Variants in LGSN observed in about 807,000 individuals in gnomAD.
LGSN encodes lengsin.
In LGSN, 21 loss-of-function variants were observed where a neutral mutation model predicts 19.5. That is an observed-to-expected ratio of 1.07 (90% CI 0.76 to 1.55). LGSN has a LOEUF of 1.55. LGSN is among the 40% of genes most tolerant of loss of function. The pLI, the probability that LGSN is intolerant of heterozygous loss-of-function variation, is 0.00. For synonymous variants in LGSN, 257 were observed against 215.6 expected (o/e 1.19, Z -1.68); for missense variants, 673 against 608.5 (o/e 1.11, Z -1.12).
chr6:63,463,039 T>C, the LGSN span, among the ~76,000 whole-genome samples: 7 of 152,220 alleles, frequency 4.6e-5, no homozygotes, highest in African/African-American at 1.7e-4. Flanking sequence ...TCTCTTCTGA[T>C]AGGAGAGACA....
In LGSN at chr6:63,285,772, G is replaced by A. The variant is rs1390964834; in HGVS notation, c.164-19C>T. On this transcript the variant is annotated intron_variant, in intron 2 of 3. Coordinates refer to ENST00000370657, the MANE Select transcript of LGSN (RefSeq NM_016571.3). ...ATGCAATCTGCAAAATAAAAAAATA[G>A]GTTCTAACTCACGAGATCATGATGG... 6.2e-7 allele frequency: 1 copy of A among 1,610,168 alleles called. No homozygotes were observed. The highest frequency in any genetic ancestry group is 8.5e-7 in the Non-Finnish European group (1 of 1,176,940).
At chr6:63,382,256 A>C in the LGSN span, among the ~76,000 whole-genome samples, 1 of 152,254 alleles carries the variant, frequency 6.6e-6, no homozygotes, top group Non-Finnish European at 1.5e-5. Flanking sequence ...AATACTTACT[A>C]GTAATAATAT....
At chr6:63,434,934 T>A in the LGSN span, among the ~76,000 whole-genome samples, 842 of 152,342 alleles carry the variant, frequency 5.5e-3, 5 homozygotes, top group South Asian at 0.024. Context: ...TTTTCCCTGT[T>A]CTCTCTTCTT....
At chr6:63,541,092 G>A in the LGSN span, among the ~76,000 whole-genome samples, 1 of 152,136 alleles carries the variant, frequency 6.6e-6, no homozygotes, top group Non-Finnish European at 1.5e-5. Context: ...AGAATGAATA[G>A]TGTGCCCTAA....
At chr6:63,328,935 A>G in the LGSN span, among the ~76,000 whole-genome samples, 449 of 152,336 alleles carry the variant, frequency 2.9e-3, 3 homozygotes, top group African/African-American at 0.01. Context: ...GTCTTAGGGC[A>G]AGGATAAGCC....
the LGSN span, among the ~76,000 whole-genome samples, chr6:63,422,612 G>A: frequency 0.062 from 9,410 of 152,064 alleles, 470 homozygotes; most frequent in African/African-American, 0.14. Flanking sequence ...ACTGAGATAA[G>A]TTATGTATAT....
the LGSN span, among the ~76,000 whole-genome samples, chr6:63,370,024 G>A: frequency 2.8e-4 from 42 of 151,872 alleles, no homozygotes; most frequent in Non-Finnish European, 2.9e-4. Flanking sequence ...AGAAGAAGAA[G>A]GAGAAGGAGA....
the LGSN span, among the ~76,000 whole-genome samples, chr6:63,519,987 G>A: frequency 2.0e-5 from 3 of 152,296 alleles, no homozygotes; most frequent in East Asian, 3.9e-4. Context: ...GTATAAACCT[G>A]TAGACTGATT....
the LGSN span, among the ~76,000 whole-genome samples, chr6:63,465,542 T>C: frequency 6.6e-6 from 1 of 152,118 alleles, no homozygotes; most frequent in Non-Finnish European, 1.5e-5. Context: ...AAGGTGGCCA[T>C]GGTGAGAGTA....
At chr6:63,432,159 AAGAAAGAAAG>A in the LGSN span, among the ~76,000 whole-genome samples, 2 of 117,810 alleles carry the variant, frequency 1.7e-5, no homozygotes, top group Non-Finnish European at 3.3e-5. Context: ...GAAAGAAAGA[AAGAAAGAAAG>A]AAAAGGAAAG....
intron 2 of LGSN, among the ~76,000 whole-genome samples, chr6:63,291,044 G>A (rs1350181278): frequency 6.6e-6 from 1 of 152,170 alleles, no homozygotes; most frequent in African/African-American, 2.4e-5. Flanking sequence ...TATGAGAGAC[G>A]GTGTGGTAGT....
the LGSN span, among the ~76,000 whole-genome samples, chr6:63,529,903 G>T: frequency 6.6e-6 from 1 of 152,114 alleles, no homozygotes; most frequent in Non-Finnish European, 1.5e-5. Flanking sequence ...CAGTAAGTTA[G>T]TATTTTCACT....
At chr6:63,352,682 GACACACAC>G in the LGSN span, among the ~76,000 whole-genome samples, 1 of 144,986 alleles carries the variant, frequency 6.9e-6, no homozygotes, top group Admixed American at 6.9e-5. Flanking sequence ...CACACACACA[GACACACAC>G]ACACACACAC....
At chr6:63,293,255 C>T (rs1458719660) in intron 2 of LGSN, among the ~76,000 whole-genome samples, 1 of 152,130 alleles carries the variant, frequency 6.6e-6, no homozygotes, top group Non-Finnish European at 1.5e-5. Flanking sequence ...CCTCAGCCTC[C>T]CAAAGTGCTG....
the LGSN span, among the ~76,000 whole-genome samples, chr6:63,336,051 A>C: frequency 6.6e-6 from 1 of 152,240 alleles, no homozygotes; most frequent in African/African-American, 2.4e-5. Flanking sequence ...AGGTAAAGAC[A>C]GATATCGCAA....
chr6:63,524,671 CAA>C, the LGSN span, among the ~76,000 whole-genome samples: 1 of 152,088 alleles, frequency 6.6e-6, no homozygotes, highest in Non-Finnish European at 1.5e-5. Flanking sequence ...GCAGCCAAAG[CAA>C]AAGAGAAATG....
chr6:63,406,964 C>T, the LGSN span, among the ~76,000 whole-genome samples: 2,314 of 152,222 alleles, frequency 0.015, 60 homozygotes, highest in African/African-American at 0.053. Context: ...CTACACCCTC[C>T]CAAGACTAAA....
intron 2 of LGSN, among the ~76,000 whole-genome samples, chr6:63,289,918 C>G (rs1010072979): frequency 1.8e-4 from 28 of 152,120 alleles, no homozygotes; most frequent in Non-Finnish European, 4.4e-5. Context: ...ATGGTGAGAG[C>G]CACCCTGTTT....
At chr6:63,526,143 G>A in the LGSN span, among the ~76,000 whole-genome samples, 2 of 151,952 alleles carry the variant, frequency 1.3e-5, no homozygotes, top group Non-Finnish European at 2.9e-5. Context: ...TGGCCAACAT[G>A]GTGAAATCCC....
Sources: allele counts gnomAD v4.1 joint callset (sites outside exome capture counted in the v4.1 genomes callset), GRCh38; gene constraint gnomAD v4.1.1; transcripts MANE v1.5; gene names NCBI Gene and HGNC (gene_info 2026-07-23, HGNC 2026-07-21).